The following ST3GAL2 variants were observed in gnomAD, a reference collection of about 807,000 sequenced individuals.
ST3GAL2 encodes the protein CMP-N-acetylneuraminate-beta-galactosamide-alpha-2,3-sialyltransferase 2.
Under a neutral mutation model 37.5 loss-of-function variants are expected in ST3GAL2, and 16 were observed. That is an observed-to-expected ratio of 0.43 (90% CI 0.29 to 0.65). The LOEUF (loss-of-function observed/expected upper bound fraction) is 0.65, where lower values mean the gene tolerates loss of function less well. Among genes scored for constraint, ST3GAL2 ranks in the 30% least tolerant of loss-of-function variants. The probability of loss-of-function intolerance (pLI) is 0.17; values close to 1 mark genes in which losing one functional copy is unlikely to be tolerated. For missense variants in ST3GAL2, 383 were observed against 487.8 expected (o/e 0.79, Z 2.02); for synonymous variants, 238 against 202.9 (o/e 1.17, Z -1.47).
At chr16:70,430,777 AGAGGTGGGAACC>A (rs2047784401) in intron 1 of ST3GAL2, among the ~76,000 whole-genome samples, 1 of 152,140 alleles carries the variant, frequency 6.6e-6, no homozygotes, top group Admixed American at 6.5e-5. Context: ...AGCACCCAAG[AGAGGTGGGAACC>A]GAGGAGGCCG....
intron 6 of ST3GAL2, among the ~76,000 whole-genome samples, chr16:70,382,180 C>G (rs892389836): frequency 1.3e-5 from 2 of 151,780 alleles, no homozygotes; most frequent in South Asian, 4.2e-4. Flanking sequence ...CTCTGAACGA[C>G]TGAGTTCCAT....
At chr16:70,412,322 A>G (rs1567673514) in intron 1 of ST3GAL2, among the ~76,000 whole-genome samples, 1 of 152,128 alleles carries the variant, frequency 6.6e-6, no homozygotes, top group Non-Finnish European at 1.5e-5. Context: ...AATTCTTTGA[A>G]TTCTTTCTTA....
chr16:70,407,562 C>G (rs1418844802), intron 1 of ST3GAL2, among the ~76,000 whole-genome samples: 7 of 152,158 alleles, frequency 4.6e-5, no homozygotes, highest in Admixed American at 6.5e-5. Flanking sequence ...GAGGAACTGG[C>G]AGCCAGGATC....
At chr16:70,434,342 C>T (rs1024882231) in intron 1 of ST3GAL2, among the ~76,000 whole-genome samples, 5 of 151,920 alleles carry the variant, frequency 3.3e-5, no homozygotes, top group African/African-American at 1.2e-4. Flanking sequence ...GAGGCTGAGG[C>T]ATGAGAGTCG....
chr16:70,377,124 T>G lies in ST3GAL2; in HGVS notation c.*4565A>C, dbSNP rs982159387. 6.7e-6 allele frequency: 1 copy of G among 149,890 alleles called. No individual in the cohort carries two copies. The highest frequency in any genetic ancestry group is 2.5e-5 in the African/African-American group (1 of 40,408). 9.3% of individuals were successfully genotyped at this position (149,890 alleles called of 1,614,324 possible). A position where few individuals can be genotyped will look rare whatever the true frequency, so the allele number is the denominator to read the frequency against. On this transcript the variant is annotated 3_prime_UTR_variant, in exon 7 of 7. Transcript: ENST00000342907. ...GGAGGATCACTTGAATCCAGGAGTT[T>G]TTGAGGCTGCAGTGAGCTCTGCACC...
In ST3GAL2 at chr16:70,379,538, G is replaced by A. The variant is rs1405524932; in HGVS notation, c.*2151C>T. 2 of 152,180 alleles carry A rather than the reference G, an allele frequency of 1.3e-5. No homozygotes were observed. Among genetic ancestry groups the A allele is most frequent in the Non-Finnish European group, 1.5e-5 (1 of 68,032 alleles). 9.4% of individuals were successfully genotyped at this position (152,180 alleles called of 1,614,324 possible). ...TTTTTGTTCCTTTTAATTCAGAAAG[G>A]GAAGGAAATAAAAAAGTGTGTTTAA... is the stretch of plus-strand genomic sequence containing the variant. On this transcript the variant is annotated 3_prime_UTR_variant, in exon 7 of 7. Coordinates refer to ENST00000342907, the MANE Select transcript of ST3GAL2 (RefSeq NM_006927.4).
At chr16:70,416,262 A>T (rs1431615424) in intron 1 of ST3GAL2, among the ~76,000 whole-genome samples, 1 of 152,200 alleles carries the variant, frequency 6.6e-6, no homozygotes, top group Non-Finnish European at 1.5e-5. Flanking sequence ...TCAAGATCTT[A>T]ACATAAATAG....
At chr16:70,388,326 T>G in intron 4 of ST3GAL2, 41 bp downstream of exon 4, 1 of 1,612,498 alleles carries the variant, frequency 6.2e-7, no homozygotes, top group Non-Finnish European at 8.5e-7. Context: ...CCCAAGATGG[T>G]CCTGTCACCC....
At position 70,378,942 on chromosome 16, in the gene ST3GAL2, G is replaced by C. The variant is rs988017231; in HGVS notation, c.*2747C>G. 1 of 152,198 alleles carries C rather than the reference G, an allele frequency of 6.6e-6. No homozygotes were observed. Among genetic ancestry groups the C allele is most frequent in the Non-Finnish European group, 1.5e-5 (1 of 68,096 alleles). 9.4% of individuals were successfully genotyped at this position (152,198 alleles called of 1,614,324 possible). A position where few individuals can be genotyped will look rare whatever the true frequency, so the allele number is the denominator to read the frequency against. ...GAACCCAGGAGGTGGAGGTTGGGAT[G>C]AGCCGACATCGGGCCATTGCACTCC... On this transcript the variant is annotated 3_prime_UTR_variant, in exon 7 of 7. Coordinates refer to ENST00000342907, the MANE Select transcript of ST3GAL2 (RefSeq NM_006927.4).
At chr16:70,390,309 G>A (rs546610189) in intron 3 of ST3GAL2, among the ~76,000 whole-genome samples, 1 of 152,286 alleles carries the variant, frequency 6.6e-6, no homozygotes, top group South Asian at 2.1e-4. Context: ...CTGAACTCAA[G>A]CAACCCTCCT....
intron 3 of ST3GAL2, among the ~76,000 whole-genome samples, chr16:70,394,665 ACCATGCCCT>A (rs887775570): frequency 5.0e-4 from 76 of 152,270 alleles, no homozygotes; most frequent in Admixed American, 4.3e-3. Flanking sequence ...GGTGTGAACC[ACCATGCCCT>A]GCCTCTGATG....
chr16:70,417,307 T>G (rs1597571837), intron 1 of ST3GAL2, among the ~76,000 whole-genome samples: 1 of 133,412 alleles, frequency 7.5e-6, no homozygotes, highest in Non-Finnish European at 1.6e-5. Flanking sequence ...CCACCCCACC[T>G]TCCCAGCCCC....
At chr16:70,431,468 G>A (rs993251429) in intron 1 of ST3GAL2, among the ~76,000 whole-genome samples, 1 of 152,198 alleles carries the variant, frequency 6.6e-6, no homozygotes, top group African/African-American at 2.4e-5. Flanking sequence ...CCTCCCAGGA[G>A]GACGGGCCCC....
intron 1 of ST3GAL2, among the ~76,000 whole-genome samples, chr16:70,411,337 C>T (rs1411202297): frequency 6.6e-6 from 1 of 150,618 alleles, no homozygotes; most frequent in East Asian, 2.0e-4. Flanking sequence ...GTGGGCGGAG[C>T]GGAGATCACA....
chr16:70,406,448 T>G (rs1597566785), intron 1 of ST3GAL2, among the ~76,000 whole-genome samples: 1 of 151,318 alleles, frequency 6.6e-6, no homozygotes, highest in South Asian at 2.1e-4. Context: ...GAGGTGGAGG[T>G]TGCAATGAGC....
intron 1 of ST3GAL2, among the ~76,000 whole-genome samples, chr16:70,421,795 A>G (rs1205282939): frequency 6.6e-6 from 1 of 152,146 alleles, no homozygotes; most frequent in East Asian, 1.9e-4. Flanking sequence ...CATCCTGAGC[A>G]GCTGGGACCA....
At chr16:70,438,252 G>A (rs1429387619) in intron 1 of ST3GAL2, among the ~76,000 whole-genome samples, 1 of 152,146 alleles carries the variant, frequency 6.6e-6, no homozygotes, top group Non-Finnish European at 1.5e-5. Flanking sequence ...AGCAGGGGGT[G>A]GGAAGTTTGG....
intron 1 of ST3GAL2, among the ~76,000 whole-genome samples, chr16:70,412,770 G>A (rs912169671): frequency 6.6e-6 from 1 of 152,116 alleles, no homozygotes; most frequent in Non-Finnish European, 1.5e-5. Flanking sequence ...TTCTAGGCTG[G>A]GCATGGTGGC....
chr16:70,383,332 C>A (rs1370229558), intron 4 of ST3GAL2, 97 bp from the exon 5 acceptor site: 28 of 1,251,896 alleles, frequency 2.2e-5, no homozygotes, highest in Non-Finnish European at 2.8e-5. Flanking sequence ...AGGTGGATCA[C>A]CTGAGGCCAG....
Sources: allele counts gnomAD v4.1 joint callset (sites outside exome capture counted in the v4.1 genomes callset), GRCh38; gene constraint gnomAD v4.1.1; transcripts MANE v1.5; gene names NCBI Gene and HGNC (gene_info 2026-07-23, HGNC 2026-07-21).